FMN1: variants seen among roughly 807,000 people sequenced by gnomAD.
FMN1 encodes the protein formin-1.
FMN1 carries 110 observed loss-of-function variants against 132.4 expected under a neutral mutation model. The observed-to-expected ratio is 0.83, with a 90% confidence interval of 0.71 to 0.97. The LOEUF (loss-of-function observed/expected upper bound fraction) is 0.97, where lower values mean the gene tolerates loss of function less well. Ranked by LOEUF, FMN1 falls within the 50% of genes least tolerant of loss-of-function variation. The probability of loss-of-function intolerance (pLI) is 0.00; values close to 1 mark genes in which losing one functional copy is unlikely to be tolerated. For synonymous variants in FMN1, 722 were observed against 651.7 expected (o/e 1.11, Z -1.64); for missense variants, 1,792 against 1,705.3 (o/e 1.05, Z -0.90).
At chr15:33,012,616 C>T (rs935562511) in intron 6 of FMN1, 2 of 1,020,918 alleles carry the variant, frequency 2.0e-6, no homozygotes, top group African/African-American at 3.1e-5. Context: ...TCAGAAATAC[C>T]ACACTGCAAA....
At chr15:32,823,163 T>G (rs946948832) in intron 17 of FMN1, among the ~76,000 whole-genome samples, 3 of 60,990 alleles carry the variant, frequency 4.9e-5, no homozygotes, top group South Asian at 8.4e-4. Flanking sequence ...TTTTTTTTTT[T>G]TTTTTTTTTT....
chr15:32,948,125 C>T (rs904582231), intron 9 of FMN1, among the ~76,000 whole-genome samples: 1 of 151,944 alleles, frequency 6.6e-6, no homozygotes, highest in African/African-American at 2.4e-5. Flanking sequence ...ATCTTAGTTA[C>T]AAAATTTCAT....
intron 7 of FMN1, among the ~76,000 whole-genome samples, chr15:32,989,513 A>T (rs1048416385): frequency 2.6e-5 from 4 of 151,554 alleles, no homozygotes; most frequent in African/African-American, 9.7e-5. Context: ...AAACCATAAT[A>T]ATTCCCCACC....
At chr15:32,899,768 A>T (rs1362214701) in intron 14 of FMN1, 3 of 592,118 alleles carry the variant, frequency 5.1e-6, no homozygotes, top group Admixed American at 6.4e-5. Flanking sequence ...TGAGTAATTG[A>T]AAATAAAGTC....
intron 16 of FMN1, among the ~76,000 whole-genome samples, chr15:32,860,248 G>A (rs1323675654): frequency 1.3e-5 from 2 of 150,766 alleles, no homozygotes; most frequent in African/African-American, 4.9e-5. Flanking sequence ...AGGAAGGAAA[G>A]AAGGAAGGAA....
In FMN1 at chr15:33,067,285, C is replaced by T. The variant is rs748486843; in HGVS notation, c.2044-2211G>A. ...TCCTTTGAGGATCTTCTGCACAGAG[C>T]TCTGCACCATTCATTTCCCCAGTGA... On this transcript the variant is annotated intron_variant, in intron 5 of 20. Transcript: ENST00000616417. 10 of 1,613,678 alleles carry T rather than the reference C, an allele frequency of 6.2e-6. 1 individual carries two copies. In the South Asian group the frequency reaches 8.8e-5, roughly 14 times the overall value.
chr15:32,802,862 T>C (rs755222981), intron 18 of FMN1, among the ~76,000 whole-genome samples: 4 of 152,160 alleles, frequency 2.6e-5, no homozygotes, highest in African/African-American at 9.7e-5. Context: ...ATAAGGTCAA[T>C]AGAGAGACAC....
At chr15:33,019,583 A>G (rs1596484710) in intron 6 of FMN1, among the ~76,000 whole-genome samples, 1 of 152,180 alleles carries the variant, frequency 6.6e-6, no homozygotes, top group Non-Finnish European at 1.5e-5. Flanking sequence ...GGGCGGTGCG[A>G]AACTCAGGCA....
chr15:33,029,415 G>A (rs34039892), intron 6 of FMN1, among the ~76,000 whole-genome samples: 5,269 of 152,174 alleles, frequency 0.035, 142 homozygotes, highest in African/African-American at 0.066. Context: ...ATGTTCTGAG[G>A]GAGATGGAAA....
At chr15:32,986,720 T>C (rs151167725) in intron 7 of FMN1, among the ~76,000 whole-genome samples, 41 of 152,236 alleles carry the variant, frequency 2.7e-4, no homozygotes, top group African/African-American at 9.9e-4. Context: ...CAGAATAACT[T>C]GGAAAAGATC....
chr15:32,812,985 C>T (rs535167069), intron 17 of FMN1, among the ~76,000 whole-genome samples: 1 of 94,296 alleles, frequency 1.1e-5, no homozygotes, highest in South Asian at 3.2e-4. Flanking sequence ...AGACTGAAAA[C>T]ATTTGGGGAA....
intron 11 of FMN1, 123 bp downstream of exon 11, chr15:32,910,351 T>C (rs150792697): frequency 1.4e-5 from 10 of 728,376 alleles, no homozygotes; most frequent in South Asian, 8.7e-5. Context: ...CTTGTGTTTC[T>C]ATGCCTTAAT....
chr15:32,867,888 T>A (rs1323095167), intron 16 of FMN1, among the ~76,000 whole-genome samples: 1 of 152,234 alleles, frequency 6.6e-6, no homozygotes. Flanking sequence ...ATTATTGGAT[T>A]GTCTCCCTCA....
chr15:33,128,696 A>C (rs1035290437), intron 4 of FMN1, among the ~76,000 whole-genome samples: 1 of 152,134 alleles, frequency 6.6e-6, no homozygotes, highest in Admixed American at 6.6e-5. Flanking sequence ...TCACGAATAA[A>C]CCCGCGGACC....
Position 32,936,259 on chromosome 15 carries a change from GCTCCC to G in FMN1, c.3139-10003_3139-9999del, listed in dbSNP as rs529526765. Reference sequence around the variant, plus strand: ...TCTTTTGTTCCACTGGTTGGTCCATGCTCCCCTGTTTCTTTGTGTGCTTTGTTACT... The same window carrying G: ...TCTTTTGTTCCACTGGTTGGTCCATGCTGTTTCTTTGTGTGCTTTGTTACT... On this transcript the variant is annotated intron_variant, in intron 9 of 20. Transcript: ENST00000616417. Among the ~76,000 whole-genome samples the G allele has an allele frequency of 6.7e-3, 1,019 of 152,238 alleles. 5 individuals carry two copies. Among genetic ancestry groups the G allele is most frequent in the Non-Finnish European group, 8.7e-3 (591 of 68,018 alleles).
intron 7 of FMN1, among the ~76,000 whole-genome samples, chr15:32,972,145 A>G: frequency 6.6e-6 from 1 of 152,216 alleles, no homozygotes; most frequent in East Asian, 1.9e-4. Flanking sequence ...CAGCATAGTA[A>G]GTGCTATTTC....
intron 7 of FMN1, among the ~76,000 whole-genome samples, chr15:33,003,138 T>C (rs343922): frequency 0.91 from 139,032 of 152,228 alleles, 64,210 homozygotes; most frequent in Non-Finnish European, 0.98. Context: ...TAAAAACTGG[T>C]ACAAGACAGG....
chr15:33,094,144 G>A (rs546207686), intron 4 of FMN1, among the ~76,000 whole-genome samples: 3 of 152,182 alleles, frequency 2.0e-5, no homozygotes, highest in Non-Finnish European at 2.9e-5. Flanking sequence ...TTAACATGTG[G>A]GCTAAATTCC....
intron 2 of FMN1, among the ~76,000 whole-genome samples, chr15:33,181,683 ATTCTT>A (rs1207488494): frequency 1.4e-5 from 2 of 146,712 alleles, no homozygotes; most frequent in African/African-American, 2.5e-5. Context: ...ATCTGATTAT[ATTCTT>A]TTCTTTTCTT....
Sources: allele counts gnomAD v4.1 joint callset (sites outside exome capture counted in the v4.1 genomes callset), GRCh38; gene constraint gnomAD v4.1.1; transcripts MANE v1.5; gene names NCBI Gene and HGNC (gene_info 2026-07-23, HGNC 2026-07-21).